Variants in TADA2A observed in about 807,000 individuals in gnomAD.
TADA2A encodes the protein transcriptional adaptor 2A.
TADA2A carries 38 observed loss-of-function variants against 67.4 expected under a neutral mutation model. The observed-to-expected ratio is 0.56, with a 90% CI of 0.44 to 0.74. TADA2A has a LOEUF of 0.74. TADA2A is among the 30% of genes least tolerant of loss of function. TADA2A has a pLI of 0.00. For missense variants in TADA2A, 454 were observed against 547.0 expected (o/e 0.83, Z 1.70); for synonymous variants, 192 against 181.6 (o/e 1.06, Z -0.46).
chr17:37,446,889 G>A (rs17138738), intron 8 of TADA2A, among the ~76,000 whole-genome samples: 19,648 of 151,962 alleles, frequency 0.13, 1,457 homozygotes, highest in East Asian at 0.25. Context: ...TTCACTTGGG[G>A]TCCTTTTTGT....
At chr17:37,410,366 G>A (rs1366735965) in intron 1 of TADA2A, among the ~76,000 whole-genome samples, 2 of 151,028 alleles carry the variant, frequency 1.3e-5, no homozygotes, top group Non-Finnish European at 3.0e-5. Context: ...TTAAGAGATG[G>A]GGTCTCCCTA....
At chr17:37,450,409 G>C (rs2053201514) in intron 8 of TADA2A, among the ~76,000 whole-genome samples, 1 of 152,166 alleles carries the variant, frequency 6.6e-6, no homozygotes, top group Admixed American at 6.6e-5. Context: ...TGGTTTTCTT[G>C]CCAAGCAAGC....
Position 37,420,009 on chromosome 17 carries a change from C to T in TADA2A, c.26-3500C>T, listed in dbSNP as rs149083780. Among the ~76,000 whole-genome samples, 1,137 of 122,378 alleles carry T rather than the reference C, an allele frequency of 9.3e-3. 80 individuals carry two copies. The highest frequency in any genetic ancestry group is 0.029 in the African/African-American group (1,067 of 36,824). The allele number at this position is 122,378 out of a possible 152,430, so 80.3% of individuals were successfully genotyped here. On this transcript the variant is annotated intron_variant, in intron 2 of 15. Transcript: ENST00000615182. The stretch of plus-strand genomic sequence containing the variant: ...CAGCCTGGGCGACAGAGCAAGACTC[C>T]GTCTCAAAAAAAAAAACTACTTTGC...
At chr17:37,429,150 C>G (rs1468019869) in intron 4 of TADA2A, among the ~76,000 whole-genome samples, 2 of 151,736 alleles carry the variant, frequency 1.3e-5, no homozygotes, top group Admixed American at 6.6e-5. Flanking sequence ...TCAGGCTGGT[C>G]TCAAACTCCT....
chr17:37,471,966 C>T (rs567083481), intron 14 of TADA2A, among the ~76,000 whole-genome samples: 6 of 152,174 alleles, frequency 3.9e-5, no homozygotes, highest in Admixed American at 1.3e-4. Context: ...TTAAGCCATA[C>T]GCTATCTGAT....
chr17:37,476,377 A>C (rs1452875014), intron 15 of TADA2A, among the ~76,000 whole-genome samples: 3 of 152,204 alleles, frequency 2.0e-5, no homozygotes, highest in African/African-American at 7.2e-5. Context: ...AAACAATGTG[A>C]TGCAGCCTTG....
At chr17:37,471,034 G>C in intron 13 of TADA2A, 60 bp from the exon 14 acceptor site, 1 of 1,582,494 alleles carries the variant, frequency 6.3e-7, no homozygotes, top group East Asian at 2.2e-5. Context: ...TCTCACCGGG[G>C]CTTTTGGAAA....
intron 8 of TADA2A, 113 bp from the exon 9 acceptor site, chr17:37,458,411 A>C (rs1267206752): frequency 1.8e-6 from 1 of 552,094 alleles, no homozygotes; most frequent in African/African-American, 2.0e-5. Context: ...TGGAGTAATT[A>C]GCAATATGAG....
intron 8 of TADA2A, among the ~76,000 whole-genome samples, chr17:37,457,905 G>T (rs1440575765): frequency 3.3e-5 from 5 of 152,146 alleles, no homozygotes; most frequent in Non-Finnish European, 5.9e-5. Context: ...CAAAAAAGGT[G>T]TTTAATAGAA....
At chr17:37,432,245 A>T (rs1040108252) in intron 4 of TADA2A, among the ~76,000 whole-genome samples, 1 of 151,650 alleles carries the variant, frequency 6.6e-6, no homozygotes, top group South Asian at 2.1e-4. Flanking sequence ...GCTCACTGCA[A>T]CCTCCGCCTC....
At chr17:37,439,278 T>TTTATTA (rs879518977) in intron 5 of TADA2A, among the ~76,000 whole-genome samples, 4 of 151,580 alleles carry the variant, frequency 2.6e-5, no homozygotes, top group Admixed American at 6.6e-5. Flanking sequence ...ATTTTTAAAT[T>TTTATTA]TTATTATTAT....
chr17:37,439,400 A>G (rs1241808047), intron 5 of TADA2A, among the ~76,000 whole-genome samples: 4 of 152,128 alleles, frequency 2.6e-5, no homozygotes, highest in Non-Finnish European at 4.4e-5. Context: ...CTCCCAGCTC[A>G]GGCTCCCGAG....
intron 8 of TADA2A, among the ~76,000 whole-genome samples, chr17:37,451,938 T>G (rs2053245131): frequency 6.6e-6 from 1 of 151,552 alleles, no homozygotes; most frequent in Non-Finnish European, 1.5e-5. Flanking sequence ...GAGCCAAGAC[T>G]GCGCTGTTGC....
chr17:37,464,764 G>A (rs1225714090), intron 10 of TADA2A, among the ~76,000 whole-genome samples: 1 of 150,682 alleles, frequency 6.6e-6, no homozygotes, highest in Non-Finnish European at 1.5e-5. Context: ...CTTGAACCTG[G>A]GGAGGCAGAG....
intron 7 of TADA2A, among the ~76,000 whole-genome samples, chr17:37,444,479 TC>T (rs2053017225): frequency 6.6e-6 from 1 of 152,148 alleles, no homozygotes; most frequent in South Asian, 2.1e-4. Context: ...TCATAACTAT[TC>T]CAATTTTTTG....
At chr17:37,454,668 T>C in intron 8 of TADA2A, 1 of 276,970 alleles carries the variant, frequency 3.6e-6, no homozygotes, top group East Asian at 9.7e-5. Flanking sequence ...AAGGGACACT[T>C]GGAAGAAATT....
intron 4 of TADA2A, among the ~76,000 whole-genome samples, chr17:37,434,534 C>T (rs1169736566): frequency 6.6e-6 from 1 of 152,220 alleles, no homozygotes; most frequent in African/African-American, 2.4e-5. Flanking sequence ...ATTCTGTTGA[C>T]TAATGTGTTC....
intron 6 of TADA2A, among the ~76,000 whole-genome samples, 156 bp downstream of exon 6, chr17:37,440,818 A>G (rs853229): frequency 0.73 from 110,351 of 152,106 alleles, 40,664 homozygotes; most frequent in East Asian, 0.97. Context: ...GGATCGACCC[A>G]GCATGGTGGC....
At position 37,474,749 on chromosome 17, in the gene TADA2A, A is replaced by G. The variant is rs77275139; in HGVS notation, c.1146+120A>G. 2,042 of 1,061,396 alleles carry G rather than the reference A, an allele frequency of 1.9e-3. 39 individuals are homozygous for G. The Admixed American group carries it at 0.036, about 19-fold the overall frequency. 65.7% of individuals were successfully genotyped at this position (1,061,396 alleles called of 1,614,324 possible). ...TTTCATTCATCTAACATATATGCAC[A>G]GCTCTGGTGAATCCTAGAAGTCCAA... On this transcript the variant is annotated intron_variant, in intron 15 of 15. Coordinates refer to ENST00000615182, the MANE Select transcript of TADA2A (RefSeq NM_001166105.3).
Sources: gnomAD v4.1 joint callset for allele counts (sites outside exome capture counted in the v4.1 genomes callset) on GRCh38, gnomAD v4.1.1 for gene constraint, MANE v1.5 for transcripts, NCBI Gene and HGNC (gene_info 2026-07-23, HGNC 2026-07-21) for gene names.